Variants in FER observed in about 807,000 individuals in gnomAD.
FER encodes FER tyrosine kinase.
FER carries 63 observed loss-of-function variants against 111.0 expected under a neutral mutation model. The ratio of observed to expected loss-of-function variants is 0.57; its 90% CI spans 0.46 to 0.70. The LOEUF (loss-of-function observed/expected upper bound fraction) is 0.70. Among genes scored for constraint, FER ranks in the 30% least tolerant of loss-of-function variants. The pLI is 0.00. For synonymous variants in FER, 327 were observed against 313.9 expected (o/e 1.04, Z -0.44); for missense variants, 914 against 954.0 (o/e 0.96, Z 0.55).
intron 17 of FER, among the ~76,000 whole-genome samples, chr5:109,119,932 G>A (rs1197288845): frequency 6.6e-6 from 1 of 151,898 alleles, no homozygotes; most frequent in African/African-American, 2.4e-5. Context: ...TTTGAGAAAT[G>A]CCTATTTAGA....
At chr5:108,750,240 T>C (rs1419576431) in intron 1 of FER, among the ~76,000 whole-genome samples, 1 of 151,868 alleles carries the variant, frequency 6.6e-6, no homozygotes, top group African/African-American at 2.4e-5. Flanking sequence ...AAAATACTTT[T>C]CAATTCATAT....
chr5:108,999,134 A>G lies in FER; in HGVS notation c.1657-38288A>G, dbSNP rs956334701. On this transcript the variant is annotated intron_variant, in intron 13 of 19. Coordinates refer to ENST00000281092, the MANE Select transcript of FER (RefSeq NM_005246.4). ...TAAACTTGTAGCCTTCCTTGATTCT[A>G]TGTTTTTTCCAGTTAGTGTTATCTA... Among the ~76,000 whole-genome samples the G allele has an allele frequency of 7.2e-5, 11 of 152,144 alleles. No homozygotes were observed. The South Asian group carries it at 2.3e-3, about 32-fold the overall frequency.
intron 13 of FER, among the ~76,000 whole-genome samples, chr5:109,011,814 A>C (rs551103608): frequency 2.6e-5 from 4 of 152,328 alleles, no homozygotes; most frequent in Admixed American, 6.5e-5. Context: ...AAGACCTCCA[A>C]AACAATAGCG....
intron 13 of FER, among the ~76,000 whole-genome samples, chr5:108,959,647 G>A (rs371485501): frequency 3.3e-5 from 5 of 151,784 alleles, no homozygotes; most frequent in Admixed American, 2.0e-4. Flanking sequence ...TTCATACTTT[G>A]AAAGGTTCAG....
At chr5:109,053,962 A>T (rs1286859559) in intron 16 of FER, among the ~76,000 whole-genome samples, 1 of 152,088 alleles carries the variant, frequency 6.6e-6, no homozygotes, top group East Asian at 1.9e-4. Flanking sequence ...AAGTGCTAGG[A>T]TTACAGACGT....
At chr5:108,808,273 CTAGGTGCTTCAATGT>C (rs1384316621) in intron 3 of FER, among the ~76,000 whole-genome samples, 1 of 151,808 alleles carries the variant, frequency 6.6e-6, no homozygotes, top group African/African-American at 2.4e-5. Flanking sequence ...TTTTGTGAAT[CTAGGTGCTTCAATGT>C]TGGGTGCATA....
intron 17 of FER, among the ~76,000 whole-genome samples, chr5:109,132,061 C>T (rs1752414644): frequency 6.6e-6 from 1 of 152,144 alleles, no homozygotes. Flanking sequence ...ATGCAACAAG[C>T]AGTTACTTTT....
chr5:108,903,915 G>T (rs1227657063), intron 10 of FER, among the ~76,000 whole-genome samples: 1 of 152,194 alleles, frequency 6.6e-6, no homozygotes, highest in African/African-American at 2.4e-5. Context: ...TCTTCCAGAA[G>T]TGTTGTATGC....
At chr5:108,884,641 T>G (rs2150290900) in intron 9 of FER, among the ~76,000 whole-genome samples, 1 of 152,010 alleles carries the variant, frequency 6.6e-6, no homozygotes, top group Admixed American at 6.6e-5. Context: ...AAAATATACT[T>G]AAGTCTTGAC....
intron 13 of FER, among the ~76,000 whole-genome samples, chr5:109,026,565 A>G (rs1169908953): frequency 6.6e-6 from 1 of 152,190 alleles, no homozygotes; most frequent in Non-Finnish European, 1.5e-5. Context: ...AGCTAGGGAG[A>G]TAATGAAGCA....
intron 14 of FER, among the ~76,000 whole-genome samples, chr5:109,039,314 G>T (rs1770830759): frequency 6.6e-6 from 1 of 151,914 alleles, no homozygotes; most frequent in African/African-American, 2.4e-5. Flanking sequence ...CAAATATTCA[G>T]TCATCCAGTG....
At chr5:108,925,748 A>G (rs1486642258) in intron 10 of FER, among the ~76,000 whole-genome samples, 11 of 152,102 alleles carry the variant, frequency 7.2e-5, no homozygotes, top group Admixed American at 3.9e-4. Context: ...TGTTTGGGTT[A>G]TGGTGTTCCA....
At chr5:108,822,358 G>T (rs1758940472) in intron 3 of FER, among the ~76,000 whole-genome samples, 1 of 152,142 alleles carries the variant, frequency 6.6e-6, no homozygotes, top group South Asian at 2.1e-4. Flanking sequence ...TCCTGATATT[G>T]GGCATTTTAT....
chr5:109,092,063 G>A (rs1746838837), intron 16 of FER, among the ~76,000 whole-genome samples: 2 of 151,816 alleles, frequency 1.3e-5, no homozygotes, highest in South Asian at 4.2e-4. Context: ...GTACCAGCTT[G>A]GAATCAAAGA....
chr5:108,763,097 A>G (rs751448798), intron 1 of FER, among the ~76,000 whole-genome samples: 2 of 152,180 alleles, frequency 1.3e-5, no homozygotes, highest in Non-Finnish European at 2.9e-5. Context: ...AGGAAAACTC[A>G]TGGCACACAG....
chr5:108,865,771 C>T (rs1194427376), intron 5 of FER, among the ~76,000 whole-genome samples: 7 of 152,160 alleles, frequency 4.6e-5, no homozygotes, highest in Admixed American at 6.5e-5. Flanking sequence ...AAAAAGTGGG[C>T]GAAGGATATG....
rs1202733188 is a variant in FER at position 108,796,569 on chromosome 5, T to A, written c.-59-1555T>A. On this transcript the variant is annotated intron_variant, in intron 2 of 19. Transcript: ENST00000281092. ...CTGATGCCCTATTCTACAGCTAAAC[T>A]GGCACTCAAGCCATGAGACAAAGTC... 2.0e-4 allele frequency among the ~76,000 whole-genome samples: 30 copies of A among 152,114 alleles called. 1 individual carries two copies. The highest frequency in any genetic ancestry group is 2.4e-4 in the African/African-American group (10 of 41,436).
intron 5 of FER, among the ~76,000 whole-genome samples, chr5:108,867,188 C>T (rs1044558826): frequency 6.6e-6 from 1 of 152,020 alleles, no homozygotes; most frequent in African/African-American, 2.4e-5. Context: ...CAATGTTTAG[C>T]ACAGTTCCTA....
At position 108,803,647 on chromosome 5, in the gene FER, T is replaced by C. The variant is rs532312658; in HGVS notation, c.207+5258T>C. ...GATCAGATGGCTGTAGGTTTGCATT[T>C]TTTTTTTTTAATTTCTGTGTTTTCT... On this transcript the variant is annotated intron_variant, in intron 3 of 19. Transcript: ENST00000281092. Among the ~76,000 whole-genome samples, 3 of 152,014 alleles carry C rather than the reference T, an allele frequency of 2.0e-5. No individual in the cohort carries two copies. In the South Asian group the frequency reaches 6.2e-4, roughly 32 times the overall value.
Sources: allele counts gnomAD v4.1 joint callset (sites outside exome capture counted in the v4.1 genomes callset), GRCh38; gene constraint gnomAD v4.1.1; transcripts MANE v1.5; gene names NCBI Gene and HGNC (gene_info 2026-07-23, HGNC 2026-07-21).